The following VWF variants were observed in gnomAD, a reference collection of about 807,000 sequenced individuals.
VWF encodes Factor VIII related antigen.
A neutral mutation model predicts 308.6 loss-of-function variants in VWF; 176 were observed. The observed-to-expected ratio is 0.57, with a 90% CI of 0.50 to 0.65. VWF has a LOEUF of 0.65. Among genes scored for constraint, VWF ranks in the 30% least tolerant of loss-of-function variants. VWF has a pLI of 0.00. For synonymous variants in VWF, 1,385 were observed against 1,443.4 expected, an observed-to-expected ratio of 0.96 and a Z score of 0.92; for missense variants, 3,146 against 3,648.2, an observed-to-expected ratio of 0.86 and a Z score of 3.55.
intron 42 of VWF, among the ~76,000 whole-genome samples, chr12:5,981,534 G>A (rs566993335): frequency 1.3e-5 from 2 of 152,288 alleles, no homozygotes; most frequent in East Asian, 3.9e-4. Flanking sequence ...AATGCCTCCT[G>A]AGTTAACTAA....
rs559614411 is a variant in VWF, at chr12:6,013,424, C to A, written c.5620+57G>T. Reference sequence around the variant, plus strand: ...TTGAATACTATTTTTGTTTCTTTGGCGGGTTTATTTTGGAACTTTTTTTTG... The same window carrying A: ...TTGAATACTATTTTTGTTTCTTTGGAGGGTTTATTTTGGAACTTTTTTTTG... On this transcript the variant is annotated intron_variant, in intron 32 of 51. Coordinates refer to ENST00000261405, the MANE Select transcript of VWF (RefSeq NM_000552.5). 5.6e-6 allele frequency: 9 copies of A among 1,605,712 alleles called. No homozygotes were observed. The Admixed American group carries it at 1.2e-4, about 21-fold the overall frequency.
chr12:6,039,018 T>C, intron 18 of VWF, among the ~76,000 whole-genome samples: 1 of 152,260 alleles, frequency 6.6e-6, no homozygotes, highest in Non-Finnish European at 1.5e-5. Context: ...GGGGATGGAT[T>C]GGACCCAGAG....
chr12:6,059,012 G>A (rs1482240972), intron 13 of VWF, among the ~76,000 whole-genome samples: 6 of 152,144 alleles, frequency 3.9e-5, no homozygotes, highest in African/African-American at 1.4e-4. Flanking sequence ...TCCCTCAGGG[G>A]CTAGGGTCAG....
At chr12:5,974,434 T>C (rs929180675) in intron 43 of VWF, among the ~76,000 whole-genome samples, 55 of 152,180 alleles carry the variant, frequency 3.6e-4, no homozygotes, top group African/African-American at 1.3e-3. Context: ...CATCTTCTTT[T>C]TGAAACTTCC....
At chr12:5,982,449 T>C (rs1943617629) in intron 41 of VWF, among the ~76,000 whole-genome samples, 2 of 152,196 alleles carry the variant, frequency 1.3e-5, no homozygotes, top group Admixed American at 6.5e-5. Context: ...GCAATCAGTG[T>C]GGAATGAAAG....
intron 3 of VWF, among the ~76,000 whole-genome samples, chr12:6,112,815 C>A (rs1218666578): frequency 7.0e-6 from 1 of 143,114 alleles, no homozygotes; most frequent in Non-Finnish European, 1.5e-5. Context: ...CAACCACACA[C>A]ACAGACACAC....
Position 6,042,192 on chromosome 12 carries a change from G to T in VWF, c.2442+2099C>A, listed in dbSNP as rs571609370. Among the ~76,000 whole-genome samples the T allele has an allele frequency of 2.6e-5, 4 of 152,216 alleles. No homozygotes were observed. In the East Asian group the frequency reaches 5.8e-4, roughly 22 times the overall value. Reference sequence around the variant, plus strand: ...GGTCTGCCCTCTGCACCCCATTCCTGCTCTTTCTGCCCCCCGCAGATCTGC... The same window carrying T: ...GGTCTGCCCTCTGCACCCCATTCCTTCTCTTTCTGCCCCCCGCAGATCTGC... On this transcript the variant is annotated intron_variant, in intron 18 of 51. Transcript: ENST00000261405.
intron 22 of VWF, among the ~76,000 whole-genome samples, chr12:6,028,827 C>T (rs1388420802): frequency 1.3e-5 from 2 of 152,290 alleles, no homozygotes; most frequent in Middle Eastern, 3.4e-3. Context: ...TAAAGACCAT[C>T]GATGCTACGA....
chr12:5,975,074 C>T (rs553440823), intron 43 of VWF, among the ~76,000 whole-genome samples: 1 of 152,330 alleles, frequency 6.6e-6, no homozygotes. Flanking sequence ...CTTAGTGTTT[C>T]CCACAGGAAC....
intron 3 of VWF, among the ~76,000 whole-genome samples, chr12:6,116,028 C>G (rs1816652888): frequency 1.3e-5 from 2 of 152,166 alleles, no homozygotes; most frequent in South Asian, 4.1e-4. Context: ...AACTCCAGAC[C>G]AGCCTTGCAT....
chr12:6,027,069 G>A (rs1231227162), intron 22 of VWF, among the ~76,000 whole-genome samples: 3 of 152,158 alleles, frequency 2.0e-5, no homozygotes, highest in Non-Finnish European at 4.4e-5. Flanking sequence ...CTTGGTACAA[G>A]GGGTGTAAGT....
At chr12:6,087,769 A>G (rs1321693408) in intron 6 of VWF, among the ~76,000 whole-genome samples, 7 of 152,118 alleles carry the variant, frequency 4.6e-5, no homozygotes, top group Admixed American at 4.6e-4. Context: ...GATATCTGCT[A>G]GATTCTCAAC....
At chr12:6,074,802 C>T (rs749789333) in intron 7 of VWF, among the ~76,000 whole-genome samples, 1 of 152,192 alleles carries the variant, frequency 6.6e-6, no homozygotes, top group South Asian at 2.1e-4. Context: ...CATAACTAGG[C>T]ACCCATTGAG....
In VWF at chr12:5,994,580, CAG is replaced by C; in HGVS notation, c.6089_6090del (p.Ser2030CysfsTer19). 1 of 1,613,960 alleles carries C rather than the reference CAG, an allele frequency of 6.2e-7. No individual in the cohort carries two copies. The highest frequency in any genetic ancestry group is 8.5e-7 in the Non-Finnish European group (1 of 1,179,860). On this transcript the variant is annotated frameshift_variant, in exon 36 of 52. Transcript: ENST00000261405. LOFTEE classifies it high-confidence loss of function. Reference protein sequence around the residue: ...MEVTVNGRLVSVPYVGGNMEV... With the variant: ...MEVTVNGRLVXVPYVGGNMEV... The stretch of plus-strand genomic sequence containing the variant: ...TCCATGTTCCCACCCACGTAAGGAA[CAG>C]AGACCAGTCTCCCATTCACCGTCAC...
intron 5 of VWF, among the ~76,000 whole-genome samples, chr12:6,100,384 A>G (rs1264971428): frequency 1.6e-4 from 24 of 148,964 alleles, no homozygotes; most frequent in Admixed American, 1.4e-3. Flanking sequence ...CAGCCATCCC[A>G]TTACTGGGTA....
rs548263504 is a variant in VWF, at chr12:5,978,755, CA to C, written c.7288-2496del. The stretch of plus-strand genomic sequence containing the variant: ...ATATGCATTTCTAAGCTCTGTTCAC[CA>C]AAAAGGTCTGAAGGCAATGGCAACC... On this transcript the variant is annotated intron_variant, in intron 42 of 51. Coordinates refer to ENST00000261405, the MANE Select transcript of VWF (RefSeq NM_000552.5). 9.3e-3 allele frequency among the ~76,000 whole-genome samples: 1,415 copies of C among 152,206 alleles called. 22 individuals carry two copies. Among genetic ancestry groups the C allele is most frequent in the Non-Finnish European group, 0.016 (1,106 of 67,990 alleles).
Position 6,123,160 on chromosome 12 carries a change from G to A in VWF, c.37C>T (p.Leu13=). 2.5e-6 allele frequency: 4 copies of A among 1,614,212 alleles called. No individual in the cohort carries two copies. Among genetic ancestry groups the A allele is most frequent in the Non-Finnish European group, 3.4e-6 (4 of 1,180,042 alleles). The change falls in exon 2 of 52, where the codon CTG becomes TTG. Residue 13 remains leucine, a synonymous_variant. Transcript: ENST00000261405. The stretch of plus-strand genomic sequence containing the variant: ...TACCTACCTGGCAAAATGAGGGCCA[G>A]AGCAAGCAGCACCCCGGCAAATCTG... ...PARFAGVLLA[L]ALILPGTLCA...
chr12:5,984,265 C>A (rs187401779), intron 40 of VWF, among the ~76,000 whole-genome samples: 52 of 152,274 alleles, frequency 3.4e-4, no homozygotes, highest in Non-Finnish European at 6.9e-4. Flanking sequence ...AGTAAATGAT[C>A]CCTCTAGTTC....
chr12:6,018,613 T>C lies in VWF; in HGVS notation c.4805A>G (p.Asn1602Ser). 1 of 1,614,004 alleles carries C rather than the reference T, an allele frequency of 6.2e-7. No homozygotes were observed. The highest frequency in any genetic ancestry group is 8.5e-7 in the Non-Finnish European group (1 of 1,179,962). The change falls in exon 28 of 52, where the codon AAC becomes AGC. Residue 1602 changes from asparagine (N) to serine (S), a missense_variant. Physicochemically the swap from Asn to Ser is conservative, Grantham distance 46 (BLOSUM62 1). Around this residue, in one of 3 missense-constraint regions of VWF, gnomAD observed 853 missense variants for 1,177.8 expected, o/e 0.72. Coordinates refer to ENST00000261405, the MANE Select transcript of VWF (RefSeq NM_000552.5). ...VSQGDREQAP[N>S]LVYMVTGNPA... ...ATTTCCGGTGACCATGTAGACCAGG[T>C]TGGGCGCCTGCTCCCGGTCACCCTG...
Sources: allele counts gnomAD v4.1 joint callset (sites outside exome capture counted in the v4.1 genomes callset), GRCh38; gene constraint gnomAD v4.1.1; regional missense constraint gnomAD v4.1.1; transcripts MANE v1.5; gene names NCBI Gene and HGNC (gene_info 2026-07-23, HGNC 2026-07-21).